AIFM1: variants seen among roughly 807,000 people sequenced by gnomAD.
AIFM1 encodes the protein apoptosis inducing factor mitochondria associated 1.
Under a neutral mutation model 51.7 loss-of-function variants are expected in AIFM1, and 3 were observed. The ratio of observed to expected loss-of-function variants is 0.06; its 90% CI spans 0.03 to 0.15. The LOEUF (loss-of-function observed/expected upper bound fraction) is 0.15. Among genes scored for constraint, AIFM1 ranks in the 10% least tolerant of loss-of-function variants. The probability of loss-of-function intolerance (pLI) is 1.00; values close to 1 mark genes in which losing one functional copy is unlikely to be tolerated. For synonymous variants in AIFM1, 178 were observed against 179.4 expected (o/e 0.99, Z 0.06); for missense variants, 330 against 476.8 (o/e 0.69, Z 2.87).
chrX:130,144,514 G>A (rs999272430), intron 6 of AIFM1, among the ~76,000 whole-genome samples: 1 of 111,409 alleles, frequency 9.0e-6, no homozygotes, highest in Non-Finnish European at 1.9e-5. Context: ...GTGCCCTTGT[G>A]CTTTTGCTTA....
intron 8 of AIFM1, among the ~76,000 whole-genome samples, chrX:130,139,453 C>G (rs2030498130): frequency 9.0e-6 from 1 of 111,678 alleles, no homozygotes; most frequent in Admixed American, 9.5e-5. Context: ...ACTTTTTTCT[C>G]AGAAGTCTCT....
At chrX:130,162,928 C>T (rs970513668) in intron 1 of AIFM1, among the ~76,000 whole-genome samples, 1 of 111,760 alleles carries the variant, frequency 8.9e-6, no homozygotes, top group Non-Finnish European at 1.9e-5. Flanking sequence ...GGAGGCAGAG[C>T]ATCCAAATAA....
intron 1 of AIFM1, among the ~76,000 whole-genome samples, chrX:130,158,960 C>T (rs1483539973): frequency 9.0e-6 from 1 of 110,873 alleles, no homozygotes; most frequent in African/African-American, 3.3e-5. Flanking sequence ...TAAAAACAAG[C>T]CCAATGTGGA....
At chrX:130,154,959 G>A (rs755496483) in intron 2 of AIFM1, among the ~76,000 whole-genome samples, 2 of 112,484 alleles carry the variant, frequency 1.8e-5, no homozygotes, top group South Asian at 7.3e-4. Flanking sequence ...TGTGGCTTTA[G>A]CTATATCTGG....
intron 9 of AIFM1, chrX:130,137,654 G>A: frequency 9.0e-7 from 1 of 1,108,376 alleles, no homozygotes; most frequent in Non-Finnish European, 1.2e-6. Flanking sequence ...GCAGTTCAAA[G>A]ACACCCATAA....
intron 14 of AIFM1, among the ~76,000 whole-genome samples, 174 bp downstream of exon 14, chrX:130,131,501 C>T (rs1270076901): frequency 8.9e-6 from 1 of 111,886 alleles, no homozygotes; most frequent in African/African-American, 3.2e-5. Context: ...CTGATTTTGC[C>T]AAATCTCAGA....
rs1175775272 is a variant in AIFM1 at position 130,133,308 on chromosome X, A to G, written c.1448+5T>C. ...AGTTGGGTCTCCAAGGCACACCACT[A>G]TTACCAGAACATTGACTGATGCCAG... On this transcript the variant is annotated splice_donor_5th_base_variant and intron_variant, in intron 13 of 15. Coordinates refer to ENST00000287295, the MANE Select transcript of AIFM1 (RefSeq NM_004208.4). The G allele has an allele frequency of 3.3e-5, 40 of 1,211,047 alleles. No homozygotes were observed. Among genetic ancestry groups the G allele is most frequent in the Non-Finnish European group, 4.5e-5 (40 of 895,306 alleles).
chrX:130,133,595 C>A, intron 12 of AIFM1, 140 bp from the exon 13 acceptor site: 1 of 804,192 alleles, frequency 1.2e-6, no homozygotes, highest in Non-Finnish European at 1.8e-6. Context: ...CAGAGTTGTA[C>A]TTAAACTAAC....
intron 6 of AIFM1, among the ~76,000 whole-genome samples, chrX:130,145,006 G>A (rs977302583): frequency 1.8e-5 from 2 of 111,769 alleles, no homozygotes; most frequent in African/African-American, 6.5e-5. Context: ...TCTAGTACCT[G>A]CCATTAACAA....
At chrX:130,134,433 C>G (rs1471872230) in intron 12 of AIFM1, among the ~76,000 whole-genome samples, 1 of 110,606 alleles carries the variant, frequency 9.0e-6, no homozygotes, top group Admixed American at 9.7e-5. Flanking sequence ...GAAATGTTTT[C>G]TTAGATTTCT....
At chrX:130,146,051 T>C (rs1444047269) in intron 5 of AIFM1, among the ~76,000 whole-genome samples, 1 of 112,256 alleles carries the variant, frequency 8.9e-6, no homozygotes, top group Non-Finnish European at 1.9e-5. Flanking sequence ...TTGTCCAGAA[T>C]GGTGCTCTTC....
At chrX:130,146,407 G>A (rs1212768159) in intron 5 of AIFM1, among the ~76,000 whole-genome samples, 1 of 109,549 alleles carries the variant, frequency 9.1e-6, no homozygotes, top group African/African-American at 3.3e-5. Context: ...TTCGGCCACT[G>A]CACTCCAGCA....
At chrX:130,131,173 A>T (rs767190415) in intron 14 of AIFM1, among the ~76,000 whole-genome samples, 3 of 111,393 alleles carry the variant, frequency 2.7e-5, no homozygotes, top group African/African-American at 9.8e-5. Context: ...TGGCACTAAG[A>T]TCTGCCAAAT....
At chrX:130,139,706 T>C (rs1202417568) in intron 8 of AIFM1, 89 bp downstream of exon 8, 1 of 869,755 alleles carries the variant, frequency 1.1e-6, no homozygotes, top group Non-Finnish European at 1.7e-6. Flanking sequence ...AACTTGGATC[T>C]CCCAAGTCCC....
chrX:130,141,794 CCTA>C (rs1755941833), intron 6 of AIFM1, among the ~76,000 whole-genome samples: 1 of 112,005 alleles, frequency 8.9e-6, no homozygotes, highest in African/African-American at 3.2e-5. Context: ...AACCTCTCCT[CCTA>C]CCTCAATTAT....
At chrX:130,144,191 A>T (rs756852491) in intron 6 of AIFM1, among the ~76,000 whole-genome samples, 1 of 111,178 alleles carries the variant, frequency 9.0e-6, no homozygotes, top group South Asian at 3.8e-4. Context: ...CATCATCATC[A>T]TACCACTACT....
chrX:130,165,471 G>C, intron 1 of AIFM1, 80 bp downstream of exon 1: 1 of 833,707 alleles, frequency 1.2e-6, no homozygotes, highest in Non-Finnish European at 1.8e-6. Context: ...CGGGGACGCG[G>C]GGGTAGAGGG....
chrX:130,148,002 T>C, intron 3 of AIFM1, 126 bp from the exon 4 acceptor site: 1 of 807,900 alleles, frequency 1.2e-6, no homozygotes, highest in Non-Finnish European at 1.9e-6. Flanking sequence ...ACATATGACC[T>C]ACGCTAATCT....
chrX:130,131,292 G>A (rs749621408), intron 14 of AIFM1, among the ~76,000 whole-genome samples: 1 of 111,783 alleles, frequency 8.9e-6, no homozygotes, highest in African/African-American at 3.3e-5. Flanking sequence ...CTTGAGATTC[G>A]CCTGAAGCAA....
Sources: allele counts gnomAD v4.1 joint callset (sites outside exome capture counted in the v4.1 genomes callset), GRCh38; gene constraint gnomAD v4.1.1; transcripts MANE v1.5; gene names NCBI Gene and HGNC (gene_info 2026-07-23, HGNC 2026-07-21).